ZFC3H1: variants seen among roughly 807,000 people sequenced by gnomAD.
ZFC3H1 encodes zinc finger C3H1 domain-containing protein.
In ZFC3H1, 71 loss-of-function variants were observed where a neutral mutation model predicts 243.7. The observed-to-expected ratio is 0.29, with a 90% CI of 0.24 to 0.36. ZFC3H1 has a LOEUF of 0.36. Among genes scored for constraint, ZFC3H1 ranks in the 10% least tolerant of loss-of-function variants. The pLI is 1.00. For missense variants in ZFC3H1, 1,966 were observed against 2,317.1 expected (o/e 0.85, Z 3.11); for synonymous variants, 838 against 813.0 (o/e 1.03, Z -0.52).
At chr12:71,659,516 C>G (rs1592605650) in intron 1 of ZFC3H1, among the ~76,000 whole-genome samples, 1 of 151,892 alleles carries the variant, frequency 6.6e-6, no homozygotes, top group Non-Finnish European at 1.5e-5. Flanking sequence ...TATGTAAGTT[C>G]TGTAATTATC....
intron 32 of ZFC3H1, 110 bp downstream of exon 32, chr12:71,611,676 A>T (rs189852968): frequency 0.18 from 20,014 of 111,204 alleles, 1,992 homozygotes; most frequent in African/African-American, 0.3. Context: ...AAAAAAAAAA[A>T]ATATATATAT....
rs776052466 is a variant in ZFC3H1 at position 71,642,479 on chromosome 12, A to G, written c.1584T>C (p.Tyr528=). The G allele has an allele frequency of 1.9e-6, 3 of 1,613,370 alleles. No individual in the cohort carries two copies. The highest frequency in any genetic ancestry group is 3.3e-5 in the Admixed American group (2 of 59,930). Reference sequence around the variant, plus strand: ...TATCTGTATCCATAGCAACTTCTTCATAGTTATCATACTGATAAATGCCTC... The same window carrying G: ...TATCTGTATCCATAGCAACTTCTTCGTAGTTATCATACTGATAAATGCCTC... ...SGGGIYQYDN[Y]EEVAMDTDSE... The change falls in exon 6 of 35, where the codon TAT becomes TAC. Residue 528 remains tyrosine, a synonymous_variant. Transcript: ENST00000378743.
chr12:71,611,128 GA>G, intron 32 of ZFC3H1, 31 bp from the exon 33 acceptor site: 2 of 1,486,910 alleles, frequency 1.3e-6, no homozygotes, highest in Admixed American at 2.3e-5. Flanking sequence ...AAGAAATATA[GA>G]AAAAGGAAAA....
intron 24 of ZFC3H1, among the ~76,000 whole-genome samples, chr12:71,623,157 A>C (rs1880075694): frequency 6.6e-6 from 1 of 152,200 alleles, no homozygotes; most frequent in African/African-American, 2.4e-5. Context: ...AATATCGTGC[A>C]GTTATTGGTT....
At chr12:71,638,574 TAA>T in intron 6 of ZFC3H1, 59 bp from the exon 7 acceptor site, 1 of 1,329,722 alleles carries the variant, frequency 7.5e-7, no homozygotes, top group Non-Finnish European at 1.0e-6. Context: ...AGGAATATAT[TAA>T]GTTTATGTTA....
intron 16 of ZFC3H1, among the ~76,000 whole-genome samples, chr12:71,631,466 A>G (rs1880322055): frequency 6.6e-6 from 1 of 152,130 alleles, no homozygotes; most frequent in Admixed American, 6.5e-5. Flanking sequence ...AGTAAAATTA[A>G]AAATCAAAAA....
At position 71,629,675 on chromosome 12, in the gene ZFC3H1, C is replaced by G. The variant is rs1417907519; in HGVS notation, c.3760G>C (p.Asp1254His). The stretch of plus-strand genomic sequence containing the variant: ...GCCATCTGGTCCATTGACATTCGAT[C>G]TTTGTTTACTCCAAAAAGTTTCTCA... ...YVEKLFGVNK[D>H]RMSMDQMAVL... The change falls in exon 19 of 35, where the codon GAT becomes CAT. Residue 1254 changes from aspartate (D) to histidine (H), a missense_variant. Physicochemically the swap from Asp to His is moderately conservative, Grantham distance 81 (BLOSUM62 -1). Around this residue, in one of 4 missense-constraint regions of ZFC3H1, gnomAD observed 1,383 missense variants for 1,723.7 expected, o/e 0.80. Coordinates refer to ENST00000378743, the MANE Select transcript of ZFC3H1 (RefSeq NM_144982.5). The G allele has an allele frequency of 6.2e-7, 1 of 1,613,252 alleles. No individual in the cohort carries two copies. The highest frequency in any genetic ancestry group is 2.2e-5 in the East Asian group (1 of 44,832).
chr12:71,611,157 T>A (rs2137509570), intron 32 of ZFC3H1, 60 bp from the exon 33 acceptor site: 1 of 1,464,932 alleles, frequency 6.8e-7, no homozygotes, highest in Non-Finnish European at 9.1e-7. Context: ...TTATATATCT[T>A]TGAACAAAAT....
At chr12:71,628,313 A>C (rs143986209) in intron 20 of ZFC3H1, among the ~76,000 whole-genome samples, 2 of 152,254 alleles carry the variant, frequency 1.3e-5, no homozygotes, top group Non-Finnish European at 2.9e-5. Flanking sequence ...GTCATAATTT[A>C]TAAAGATTAT....
Position 71,663,475 on chromosome 12 carries a change from CGCTGCT to C in ZFC3H1, c.130_135del (p.Ser44_Ser45del). 1 of 1,612,756 alleles carries C rather than the reference CGCTGCT, an allele frequency of 6.2e-7. No individual in the cohort carries two copies. The highest frequency in any genetic ancestry group is 1.1e-5 in the South Asian group (1 of 91,082). On this transcript the variant is annotated inframe_deletion, in exon 1 of 35. Transcript: ENST00000378743. ...CGCGGATAGGGTAACAGCCCGCCGC[CGCTGCT>C]GCTGCTGCTGCTCCGACTCCGTATC...
intron 7 of ZFC3H1, among the ~76,000 whole-genome samples, chr12:71,637,954 G>A (rs991893614): frequency 1.3e-5 from 2 of 151,752 alleles, no homozygotes; most frequent in Non-Finnish European, 2.9e-5. Flanking sequence ...TGGAGATGGG[G>A]GGGAAAAGAA....
chr12:71,659,707 C>G (rs1036094724), intron 1 of ZFC3H1, among the ~76,000 whole-genome samples: 1 of 152,132 alleles, frequency 6.6e-6, no homozygotes, highest in Non-Finnish European at 1.5e-5. Context: ...AAAATCTATC[C>G]CTATCTATAC....
intron 2 of ZFC3H1, among the ~76,000 whole-genome samples, chr12:71,648,933 T>TA (rs1174595479): frequency 1.3e-5 from 2 of 150,958 alleles, no homozygotes; most frequent in Non-Finnish European, 3.0e-5. Context: ...CTACTGAAAA[T>TA]ACAAAAAATT....
intron 28 of ZFC3H1, 38 bp downstream of exon 28, chr12:71,615,168 G>A: frequency 1.4e-6 from 2 of 1,459,888 alleles, no homozygotes; most frequent in Non-Finnish European, 1.9e-6. Context: ...GCAAATGCAG[G>A]CCTAGTATGC....
At chr12:71,649,900 T>C (rs992066486) in intron 2 of ZFC3H1, among the ~76,000 whole-genome samples, 1 of 152,076 alleles carries the variant, frequency 6.6e-6, no homozygotes, top group Non-Finnish European at 1.5e-5. Context: ...TAAAAATAAA[T>C]ACAATAGGCT....
chr12:71,656,706 A>T, intron 2 of ZFC3H1, 179 bp downstream of exon 2: 1 of 666,054 alleles, frequency 1.5e-6, no homozygotes, highest in Non-Finnish European at 2.4e-6. Flanking sequence ...TAAATAAATA[A>T]ATAAAGACTA....
Position 71,645,122 on chromosome 12 carries a change from A to G in ZFC3H1, c.1081-47T>C, listed in dbSNP as rs186825735. 3 of 1,487,186 alleles carry G rather than the reference A, an allele frequency of 2.0e-6. No homozygotes were observed. In the African/African-American group the frequency reaches 4.3e-5, roughly 21 times the overall value. 92.1% of individuals were successfully genotyped at this position (1,487,186 alleles called of 1,614,324 possible). On this transcript the variant is annotated intron_variant, in intron 3 of 34. Coordinates refer to ENST00000378743, the MANE Select transcript of ZFC3H1 (RefSeq NM_144982.5). ...CTAAAATTTTTTAATTCTATTATTT[A>G]GCTTACACATTTCATCAAGTCAAAT...
rs1480584785 is a variant in ZFC3H1 at position 71,630,812 on chromosome 12, A to C, written c.3602+11T>G. 1 of 1,611,464 alleles carries C rather than the reference A, an allele frequency of 6.2e-7. No homozygotes were observed. The highest frequency in any genetic ancestry group is 2.2e-5 in the East Asian group (1 of 44,734). The stretch of plus-strand genomic sequence containing the variant: ...TTTTCAAATTACAAAATGTTCACAA[A>C]AACTACTCACCATTGACAATCATCA... On this transcript the variant is annotated intron_variant, in intron 17 of 34. Transcript: ENST00000378743.
intron 5 of ZFC3H1, among the ~76,000 whole-genome samples, chr12:71,642,798 C>T (rs755880015): frequency 4.5e-4 from 69 of 152,084 alleles, no homozygotes; most frequent in Non-Finnish European, 8.5e-4. Flanking sequence ...AGACGAAATC[C>T]CCCATTGTTA....
Sources: allele counts gnomAD v4.1 joint callset (sites outside exome capture counted in the v4.1 genomes callset), GRCh38; gene constraint gnomAD v4.1.1; regional missense constraint gnomAD v4.1.1; transcripts MANE v1.5; gene names NCBI Gene and HGNC (gene_info 2026-07-23, HGNC 2026-07-21).